The following NEK9 variants were observed in gnomAD, a reference collection of about 807,000 sequenced individuals.
NEK9 encodes the protein serine/threonine-protein kinase Nek9.
A neutral mutation model predicts 123.4 loss-of-function variants in NEK9; 75 were observed. That is an observed-to-expected ratio of 0.61 (90% CI 0.50 to 0.74). The LOEUF is 0.74. Ranked by LOEUF, NEK9 falls within the 30% of genes least tolerant of loss-of-function variation. The pLI, the probability that NEK9 is intolerant of heterozygous loss-of-function variation, is 0.00. For missense variants in NEK9, 952 were observed against 1,214.4 expected (o/e 0.78, Z 3.21); for synonymous variants, 438 against 458.7 (o/e 0.95, Z 0.58).
chr14:75,108,913 T>C (rs546770880), intron 10 of NEK9, among the ~76,000 whole-genome samples: 4 of 152,172 alleles, frequency 2.6e-5, no homozygotes, highest in Admixed American at 2.0e-4. Flanking sequence ...TGAGAACGCA[T>C]AGCAAGAGAC....
chr14:75,120,129 C>G (rs1171321421), intron 4 of NEK9, among the ~76,000 whole-genome samples: 1 of 152,118 alleles, frequency 6.6e-6, no homozygotes, highest in Admixed American at 6.6e-5. Context: ...AGTGAAGAGG[C>G]TTTTATTTAA....
chr14:75,106,665 A>G lies in NEK9; in HGVS notation c.1365T>C (p.Tyr455=). 6.2e-7 allele frequency: 1 copy of G among 1,614,062 alleles called. No homozygotes were observed. The highest frequency in any genetic ancestry group is 8.5e-7 in the Non-Finnish European group (1 of 1,180,014). ...CAACTTTGTCCACCCCCATGCAGCC[A>G]TAATAATCTGATCCGAAGGCATAGA... ...GQLYAFGSDY[Y]GCMGVDKVAG... The change falls in exon 12 of 22, where the codon TAT becomes TAC. Residue 455 remains tyrosine (Y), a synonymous_variant. Coordinates refer to ENST00000238616, the MANE Select transcript of NEK9 (RefSeq NM_033116.6).
At chr14:75,086,878 C>T in intron 21 of NEK9, 140 bp downstream of exon 21, 7 of 835,542 alleles carry the variant, frequency 8.4e-6, no homozygotes, top group Non-Finnish European at 1.3e-5. Context: ...TGCACTCTGG[C>T]CTGGCAACAG....
chr14:75,115,041 G>A (rs1156976028), intron 6 of NEK9, among the ~76,000 whole-genome samples: 4 of 147,968 alleles, frequency 2.7e-5, no homozygotes, highest in Non-Finnish European at 6.0e-5. Flanking sequence ...ATGTATATGT[G>A]CATGTGTACA....
chr14:75,103,911 C>T lies in NEK9; in HGVS notation c.1662G>A (p.Leu554=), dbSNP rs377040242. 52 of 1,614,000 alleles carry T rather than the reference C, an allele frequency of 3.2e-5. No individual in the cohort carries two copies. Among genetic ancestry groups the T allele is most frequent in the Non-Finnish European group, 4.1e-5 (48 of 1,180,028 alleles). The change falls in exon 14 of 22, where the codon CTG becomes CTA. Residue 554 remains leucine (L), a synonymous_variant. Transcript: ENST00000238616. ...TFLLTQSGKV[L]ACGLNEFNKL... is the part of the protein sequence containing the mutation. Reference sequence around the variant, plus strand: ...TATTGAATTCATTGAGTCCACAGGCCAGCACTTTGCCTGACTGGGTCAACA... The same window carrying T: ...TATTGAATTCATTGAGTCCACAGGCTAGCACTTTGCCTGACTGGGTCAACA...
rs1298743242 is a variant in NEK9, at chr14:75,087,163, G to A, written c.2672C>T (p.Ala891Val). 11 of 1,614,140 alleles carry A rather than the reference G, an allele frequency of 6.8e-6. No individual in the cohort carries two copies. Among genetic ancestry groups the A allele is most frequent in the South Asian group, 3.3e-5 (3 of 91,082 alleles). Residue 891 changes from alanine (A) to valine (V), a missense_variant, in exon 21 of 22, where the codon GCG (alanine) becomes GTG (valine). Physicochemically the swap from Ala to Val is moderately conservative, Grantham distance 64. Around this residue, in one of 4 missense-constraint regions of NEK9, gnomAD observed 698 missense variants for 875.6 expected, o/e 0.80. Coordinates refer to ENST00000238616, the MANE Select transcript of NEK9 (RefSeq NM_033116.6). ...KGTPLTPPACACSSLQVEVER... is the reference protein window; with the variant it reads ...KGTPLTPPACVCSSLQVEVER... The stretch of plus-strand genomic sequence containing the variant: ...AACCTCCACCTGCAGAGAGCTGCAC[G>A]CACACGCAGGAGGAGTCAGTGGTGT...
At position 75,091,447 on chromosome 14, in the gene NEK9, G is replaced by A. The variant is rs372380867; in HGVS notation, c.2265C>T (p.Gly755=). Residue 755 remains glycine (G), a synonymous_variant, in exon 19 of 22, where the codon GGC becomes GGT. Coordinates refer to ENST00000238616, the MANE Select transcript of NEK9 (RefSeq NM_033116.6). Reference sequence around the variant, plus strand: ...CCTCTTCTTCACCACCGCCGCCCCCGCCGCCTCCTCCCGGGCTAGAGCTCT... The same window carrying A: ...CCTCTTCTTCACCACCGCCGCCCCCACCGCCTCCTCCCGGGCTAGAGCTCT... The part of the protein sequence containing the change: ...VFQSSSPGGG[G]GGGGGEEEDS... The A allele has an allele frequency of 1.4e-5, 23 of 1,603,094 alleles. No homozygotes were observed. Among genetic ancestry groups the A allele is most frequent in the East Asian group, 2.2e-5 (1 of 44,748 alleles).
chr14:75,103,994 C>T lies in NEK9; in HGVS notation c.1579G>A (p.Asp527Asn). The T allele has an allele frequency of 6.2e-7, 1 of 1,601,172 alleles. No individual in the cohort carries two copies. The highest frequency in any genetic ancestry group is 1.4e-5 in the African/African-American group (1 of 74,012). The change falls in exon 14 of 22, where the codon GAT becomes AAT. Residue 527 changes from aspartate to asparagine, a missense_variant. Coordinates refer to ENST00000238616, the MANE Select transcript of NEK9 (RefSeq NM_033116.6). Reference sequence around the variant, plus strand: ...ACAATAATCAAGGCCTTGGGAACATCCACCTGCAAGAAAAAAATCAGAAAA... The same window carrying T: ...ACAATAATCAAGGCCTTGGGAACATTCACCTGCAAGAAAAAAATCAGAAAA... ...EEDYYTPQKV[D>N]VPKALIIVAV...
chr14:75,095,008 G>A (rs1894335688), intron 18 of NEK9, among the ~76,000 whole-genome samples: 1 of 152,130 alleles, frequency 6.6e-6, no homozygotes, highest in Admixed American at 6.5e-5. Context: ...CTGAGTGCCT[G>A]TTTTGGTGAA....
At chr14:75,125,046 T>C (rs1215302612) in intron 1 of NEK9, among the ~76,000 whole-genome samples, 1 of 151,842 alleles carries the variant, frequency 6.6e-6, no homozygotes. Context: ...GGTGTTGGGA[T>C]TATAGGCATG....
intron 5 of NEK9, among the ~76,000 whole-genome samples, chr14:75,117,864 A>G (rs546333373): frequency 2.8e-4 from 43 of 152,362 alleles, no homozygotes; most frequent in African/African-American, 1.0e-3. Context: ...GGAAATAAAA[A>G]TGTCCTAAGA....
At chr14:75,118,993 C>T in intron 4 of NEK9, 58 bp from the exon 5 acceptor site, 1 of 950,574 alleles carries the variant, frequency 1.1e-6, no homozygotes, top group Non-Finnish European at 1.7e-6. Context: ...TATTTCATCC[C>T]CCGCCTTGCC....
intron 14 of NEK9, among the ~76,000 whole-genome samples, chr14:75,103,033 G>A: frequency 6.6e-6 from 1 of 151,914 alleles, no homozygotes; most frequent in Non-Finnish European, 1.5e-5. Flanking sequence ...TCACACACCG[G>A]GGCCTGTCAT....
At position 75,082,244 on chromosome 14, in the gene NEK9, G is replaced by C. The variant is rs563426573; in HGVS notation, c.*2320C>G. ...AATGTTAGAGCAGAGGAGTAACTCA[G>C]GTTATACTGTAACTCAAAAGCAATA... On this transcript the variant is annotated 3_prime_UTR_variant, in exon 22 of 22. Transcript: ENST00000238616. 1.3e-5 allele frequency: 2 copies of C among 152,256 alleles called. No homozygotes were observed. The highest frequency in any genetic ancestry group is 4.1e-4 in the South Asian group (2 of 4,832). The allele number at this position is 152,256 out of a possible 1,614,324, so 9.4% of individuals were successfully genotyped here.
chr14:75,083,156 T>C lies in NEK9; in HGVS notation c.*1408A>G. On this transcript the variant is annotated 3_prime_UTR_variant, in exon 22 of 22. Coordinates refer to ENST00000238616, the MANE Select transcript of NEK9 (RefSeq NM_033116.6). ...TTGGTCTGGGGAAGATGAAACAAAA[T>C]TAATTTAGCTGTTTATAGGAAGGTG... is the stretch of plus-strand genomic sequence containing the variant. The C allele has an allele frequency of 5.0e-6, 2 of 398,538 alleles. No homozygotes were observed. The highest frequency in any genetic ancestry group is 8.8e-6 in the Non-Finnish European group (2 of 226,054). The allele number at this position is 398,538 out of a possible 1,614,324, so 24.7% of individuals were successfully genotyped here.
At chr14:75,092,272 A>ATTT (rs4026177) in intron 18 of NEK9, among the ~76,000 whole-genome samples, 2,481 of 141,488 alleles carry the variant, frequency 0.018, 82 homozygotes, top group African/African-American at 0.063. Context: ...GCACCCAGCA[A>ATTT]TTTTTTTTTT....
At chr14:75,085,059 G>A in intron 21 of NEK9, 2 of 213,258 alleles carry the variant, frequency 9.4e-6, no homozygotes, top group Non-Finnish European at 1.9e-5. Context: ...ACGCCGAAGT[G>A]CAGTGGTGTG....
At chr14:75,090,714 G>C (rs1226996328) in intron 19 of NEK9, among the ~76,000 whole-genome samples, 1 of 151,924 alleles carries the variant, frequency 6.6e-6, no homozygotes, top group Non-Finnish European at 1.5e-5. Flanking sequence ...TGGAACTATA[G>C]GTGCACACTA....
chr14:75,117,750 G>A (rs1002222782), intron 5 of NEK9, among the ~76,000 whole-genome samples: 17 of 152,134 alleles, frequency 1.1e-4, no homozygotes, highest in African/African-American at 4.1e-4. Flanking sequence ...TAAAATACGC[G>A]CAATGAAACT....
Sources: allele counts gnomAD v4.1 joint callset (sites outside exome capture counted in the v4.1 genomes callset), GRCh38; gene constraint gnomAD v4.1.1; regional missense constraint gnomAD v4.1.1; transcripts MANE v1.5; gene names NCBI Gene and HGNC (gene_info 2026-07-23, HGNC 2026-07-21).